Variants in DMRT1 observed in about 807,000 individuals in gnomAD.
DMRT1 encodes doublesex and mab-3 related transcription factor 1.
In DMRT1, 7 loss-of-function variants were observed where a neutral mutation model predicts 32.3. The ratio of observed to expected loss-of-function variants is 0.22; its 90% CI spans 0.12 to 0.41. DMRT1 has a LOEUF of 0.41. Ranked by LOEUF, DMRT1 falls within the 10% of genes least tolerant of loss-of-function variation. DMRT1 has a pLI of 1.00. For missense variants in DMRT1, 625 were observed against 500.5 expected, an observed-to-expected ratio of 1.25 and a Z score of -2.37; for synonymous variants, 278 against 206.1, an observed-to-expected ratio of 1.35 and a Z score of -2.99.
Position 932,170 on chromosome 9 carries a change from T to G in DMRT1, c.967+15263T>G, listed in dbSNP as rs138216486. Among the ~76,000 whole-genome samples the G allele has an allele frequency of 5.9e-3, 901 of 152,336 alleles. 7 individuals carry two copies. The highest frequency in any genetic ancestry group is 0.021 in the African/African-American group (865 of 41,570). On this transcript the variant is annotated intron_variant, in intron 4 of 4. Coordinates refer to ENST00000382276, the MANE Select transcript of DMRT1 (RefSeq NM_021951.3). ...TTTCCTCATTTAACTCCCTAGAATT[T>G]CATTTCATTTCATTTCTACCTCTGA...
At chr9:886,963 C>A (rs750819699) in intron 2 of DMRT1, among the ~76,000 whole-genome samples, 4 of 152,198 alleles carry the variant, frequency 2.6e-5, no homozygotes, top group Non-Finnish European at 4.4e-5. Flanking sequence ...TATGATCACT[C>A]AGCAGTTGAA....
chr9:870,960 T>C (rs1184434921), intron 2 of DMRT1, among the ~76,000 whole-genome samples: 2 of 151,724 alleles, frequency 1.3e-5, no homozygotes, highest in African/African-American at 2.4e-5. Flanking sequence ...CTGATCCTCC[T>C]GACACCCAAA....
chr9:955,795 G>A (rs1819581711), intron 4 of DMRT1, among the ~76,000 whole-genome samples: 1 of 152,192 alleles, frequency 6.6e-6, no homozygotes, highest in African/African-American at 2.4e-5. Context: ...GAAAATAAGC[G>A]TTGCTGAGAT....
intron 3 of DMRT1, among the ~76,000 whole-genome samples, chr9:903,264 C>T (rs564176162): frequency 6.6e-6 from 1 of 151,976 alleles, no homozygotes; most frequent in South Asian, 2.1e-4. Flanking sequence ...AGTCCTTGCC[C>T]ACCCCCACCC....
rs1169843358 is a variant in DMRT1, at chr9:901,908, GCC to G, written c.822+7715_822+7716del. ...CCCACACCATCAGCAAGTGAAACTAGCCCTTTTTTTTTTTTTTTTTTTGAGAC... is the reference window on the plus strand; with the variant it reads ...CCCACACCATCAGCAAGTGAAACTAGCTTTTTTTTTTTTTTTTTTTGAGAC... On this transcript the variant is annotated intron_variant, in intron 3 of 4. Transcript: ENST00000382276. Among the ~76,000 whole-genome samples, 63 of 114,104 alleles carry G rather than the reference GCC, an allele frequency of 5.5e-4. 1 individual carries two copies. The highest frequency in any genetic ancestry group is 4.0e-4 in the Non-Finnish European group (24 of 60,038). The allele number at this position is 114,104 out of a possible 152,430, so 74.9% of individuals were successfully genotyped here. A position where few individuals can be genotyped will look rare whatever the true frequency, so the allele number is the denominator to read the frequency against.
At chr9:851,862 A>G (rs943636948) in intron 2 of DMRT1, among the ~76,000 whole-genome samples, 1 of 152,098 alleles carries the variant, frequency 6.6e-6, no homozygotes, top group South Asian at 2.1e-4. Flanking sequence ...ATTACTGTGG[A>G]AAGAAATAGT....
chr9:907,090 C>T (rs1232370256), intron 3 of DMRT1, among the ~76,000 whole-genome samples: 2 of 152,150 alleles, frequency 1.3e-5, no homozygotes, highest in African/African-American at 4.8e-5. Context: ...TTAAGAATAT[C>T]ATCAGTACAA....
chr9:884,959 G>A (rs1300768805), intron 2 of DMRT1, among the ~76,000 whole-genome samples: 1 of 152,224 alleles, frequency 6.6e-6, no homozygotes, highest in African/African-American at 2.4e-5. Flanking sequence ...AACAGAGTGA[G>A]TGAGACTCGG....
chr9:852,398 C>CT (rs552700304), intron 2 of DMRT1, among the ~76,000 whole-genome samples: 34,358 of 138,226 alleles, frequency 0.25, 4,081 homozygotes, highest in Middle Eastern at 0.32. Context: ...ATAAAATGTA[C>CT]TTTTTTTTTT....
At chr9:899,352 T>G (rs1414568971) in intron 3 of DMRT1, among the ~76,000 whole-genome samples, 1 of 152,172 alleles carries the variant, frequency 6.6e-6, no homozygotes, top group East Asian at 1.9e-4. Flanking sequence ...AGTTGAGACT[T>G]CCTGCAAGCC....
intron 4 of DMRT1, among the ~76,000 whole-genome samples, chr9:920,642 T>TG (rs2129796546): frequency 6.6e-6 from 1 of 152,232 alleles, no homozygotes; most frequent in South Asian, 2.1e-4. Context: ...CGTCAACCCG[T>TG]GGGGAAGTGA....
intron 2 of DMRT1, among the ~76,000 whole-genome samples, chr9:858,841 T>G (rs1815515854): frequency 8.6e-6 from 1 of 116,720 alleles, no homozygotes; most frequent in Non-Finnish European, 1.8e-5. Flanking sequence ...GCCATTGCAC[T>G]CCAGTCTGTC....
At chr9:929,881 A>G (rs1482610301) in intron 4 of DMRT1, among the ~76,000 whole-genome samples, 1 of 152,116 alleles carries the variant, frequency 6.6e-6, no homozygotes, top group Admixed American at 6.5e-5. Flanking sequence ...ATGCTCTGGG[A>G]GATGAACCAT....
intron 2 of DMRT1, among the ~76,000 whole-genome samples, chr9:851,846 T>G (rs6477307): frequency 0.7 from 106,398 of 151,998 alleles, 38,087 homozygotes; most frequent in Middle Eastern, 0.78. Flanking sequence ...TTACATGATT[T>G]TGGATATTAC....
At chr9:938,791 C>G (rs1239196450) in intron 4 of DMRT1, among the ~76,000 whole-genome samples, 1 of 152,212 alleles carries the variant, frequency 6.6e-6, no homozygotes, top group Non-Finnish European at 1.5e-5. Flanking sequence ...AGAGGTGGCA[C>G]AAGTGGGCAT....
At chr9:843,079 G>A (rs1838758960) in intron 1 of DMRT1, 1 of 152,238 alleles carries the variant, frequency 6.6e-6, no homozygotes, top group Non-Finnish European at 1.5e-5. Context: ...CGCGCCTTGG[G>A]AGCAGAGGGT....
chr9:948,707 C>T (rs893516918), intron 4 of DMRT1, among the ~76,000 whole-genome samples: 2 of 151,966 alleles, frequency 1.3e-5, no homozygotes, highest in African/African-American at 4.8e-5. Flanking sequence ...GTTGAGTGGC[C>T]ACCCAACACT....
rs576154862 is a variant in DMRT1, at chr9:945,210, A to G, written c.968-22775A>G. ...GCTCTGTTGCCCAGGCTGGAGTCCA[A>G]TGGCTCAATCTCAGCTCACTGCAAC... On this transcript the variant is annotated intron_variant, in intron 4 of 4. Coordinates refer to ENST00000382276, the MANE Select transcript of DMRT1 (RefSeq NM_021951.3). 7.2e-5 allele frequency among the ~76,000 whole-genome samples: 11 copies of G among 152,172 alleles called. No homozygotes were observed. In the East Asian group the frequency reaches 1.5e-3, roughly 21 times the overall value.
chr9:912,918 T>A lies in DMRT1; in HGVS notation c.823-3845T>A, dbSNP rs1025506551. ...CCTTCTCACCTTACTCCAGTGAGAG[T>A]GAAGTTTGAGAAGGAACCAGTGCCA... On this transcript the variant is annotated intron_variant, in intron 3 of 4. Transcript: ENST00000382276. 7.4e-4 allele frequency among the ~76,000 whole-genome samples: 112 copies of A among 152,120 alleles called. 1 individual carries two copies. The highest frequency in any genetic ancestry group is 1.2e-3 in the South Asian group (6 of 4,812).
Sources: allele counts gnomAD v4.1 joint callset (sites outside exome capture counted in the v4.1 genomes callset), GRCh38; gene constraint gnomAD v4.1.1; transcripts MANE v1.5; gene names NCBI Gene and HGNC (gene_info 2026-07-23, HGNC 2026-07-21).